GULP1: variants seen among roughly 807,000 people sequenced by gnomAD.
GULP1 encodes the protein PTB domain-containing engulfment adapter protein 1.
In GULP1, 19 loss-of-function variants were observed where a neutral mutation model predicts 40.9. The ratio of observed to expected loss-of-function variants is 0.46; its 90% CI spans 0.32 to 0.68. GULP1 has a LOEUF of 0.68. Among genes scored for constraint, GULP1 ranks in the 30% least tolerant of loss-of-function variants. The pLI is 0.03. For synonymous variants in GULP1, 119 were observed against 117.6 expected (o/e 1.01, Z -0.08); for missense variants, 312 against 362.2 (o/e 0.86, Z 1.12).
intron 2 of GULP1, among the ~76,000 whole-genome samples, chr2:188,389,957 T>C (rs940063703): frequency 1.4e-5 from 2 of 143,306 alleles, no homozygotes; most frequent in Admixed American, 7.0e-5. Context: ...TATTTCATCC[T>C]TTTTTTTTTT....
intron 1 of GULP1, among the ~76,000 whole-genome samples, chr2:188,379,183 C>T (rs1438962284): frequency 2.0e-5 from 3 of 152,106 alleles, no homozygotes; most frequent in African/African-American, 7.2e-5. Flanking sequence ...TTTAACAGCA[C>T]ATGCAATGGA....
intron 1 of GULP1, among the ~76,000 whole-genome samples, chr2:188,310,104 C>A (rs944756098): frequency 1.3e-5 from 2 of 152,152 alleles, no homozygotes; most frequent in Non-Finnish European, 2.9e-5. Context: ...CATTTACTCC[C>A]CAACTCTGCT....
chr2:188,451,133 G>A (rs1157601593), intron 2 of GULP1, among the ~76,000 whole-genome samples: 1 of 152,138 alleles, frequency 6.6e-6, no homozygotes, highest in African/African-American at 2.4e-5. Context: ...GTTTTTAAAT[G>A]CTACTTTTCT....
At chr2:188,444,876 T>A (rs1022359209) in intron 2 of GULP1, among the ~76,000 whole-genome samples, 5 of 152,166 alleles carry the variant, frequency 3.3e-5, no homozygotes, top group Non-Finnish European at 7.3e-5. Context: ...AGTGACATGG[T>A]TTTACCAAAT....
chr2:188,374,915 C>G (rs2048106128), intron 1 of GULP1, among the ~76,000 whole-genome samples: 1 of 152,066 alleles, frequency 6.6e-6, no homozygotes, highest in Admixed American at 6.6e-5. Flanking sequence ...TGTGAAAATG[C>G]TACTGAGCAA....
chr2:188,386,391 A>G (rs1321809640), intron 2 of GULP1, among the ~76,000 whole-genome samples: 1 of 152,168 alleles, frequency 6.6e-6, no homozygotes, highest in Non-Finnish European at 1.5e-5. Flanking sequence ...GGGAATTACA[A>G]TTCAAGGTGA....
At chr2:188,529,601 C>T (rs1687049015) in intron 6 of GULP1, among the ~76,000 whole-genome samples, 1 of 152,062 alleles carries the variant, frequency 6.6e-6, no homozygotes, top group Admixed American at 6.6e-5. Context: ...TTTACGGAGG[C>T]TGAAACAAAA....
intron 1 of GULP1, among the ~76,000 whole-genome samples, chr2:188,338,437 C>T (rs189432478): frequency 2.3e-4 from 35 of 151,842 alleles, no homozygotes; most frequent in African/African-American, 7.7e-4. Flanking sequence ...CCCAAGTAGC[C>T]GGAACTACAA....
At chr2:188,530,045 C>G (rs527861128) in intron 6 of GULP1, among the ~76,000 whole-genome samples, 7 of 152,204 alleles carry the variant, frequency 4.6e-5, no homozygotes. Context: ...TTGGCTATAG[C>G]AAGGCATATA....
rs909234466 is a variant in GULP1, at chr2:188,566,647, T to A, written c.400-2592T>A. Reference sequence around the variant, plus strand: ...CCAGTCTCTATAAAAATAAAAAAAATTAGCTGGGTGTGGTGGTGCGTGCCT... The same window carrying A: ...CCAGTCTCTATAAAAATAAAAAAAAATAGCTGGGTGTGGTGGTGCGTGCCT... On this transcript the variant is annotated intron_variant, in intron 7 of 11. Transcript: ENST00000409830. Among the ~76,000 whole-genome samples, 13 of 151,408 alleles carry A rather than the reference T, an allele frequency of 8.6e-5. 1 individual carries two copies. The highest frequency in any genetic ancestry group is 6.8e-3 in the Middle Eastern group (2 of 294).
At chr2:188,361,451 C>T (rs1228157812) in intron 1 of GULP1, among the ~76,000 whole-genome samples, 2 of 151,742 alleles carry the variant, frequency 1.3e-5, no homozygotes, top group South Asian at 2.1e-4. Flanking sequence ...CAAGGGCCAG[C>T]TTATGTAAGA....
chr2:188,415,738 T>C (rs2054495623), intron 2 of GULP1, among the ~76,000 whole-genome samples: 1 of 152,160 alleles, frequency 6.6e-6, no homozygotes, highest in Non-Finnish European at 1.5e-5. Context: ...AGCACAAGAT[T>C]GTTAAGACCT....
At chr2:188,567,639 G>C (rs1046987682) in intron 7 of GULP1, among the ~76,000 whole-genome samples, 1 of 152,222 alleles carries the variant, frequency 6.6e-6, no homozygotes, top group South Asian at 2.1e-4. Context: ...GACCCATTAG[G>C]GGGTGGGAGG....
intron 1 of GULP1, among the ~76,000 whole-genome samples, chr2:188,368,811 C>T (rs1285776466): frequency 1.3e-5 from 2 of 150,050 alleles, no homozygotes; most frequent in Non-Finnish European, 3.0e-5. Context: ...TTGAAAACTA[C>T]ACTTTTTTCA....
intron 1 of GULP1, among the ~76,000 whole-genome samples, chr2:188,317,379 A>G (rs922654387): frequency 2.0e-5 from 3 of 152,186 alleles, no homozygotes; most frequent in Non-Finnish European, 4.4e-5. Context: ...AGTCGACACA[A>G]TCTAGTCAAC....
chr2:188,413,348 T>C (rs28564315), intron 2 of GULP1, among the ~76,000 whole-genome samples: 32,634 of 152,094 alleles, frequency 0.21, 3,676 homozygotes, highest in African/African-American at 0.27. Flanking sequence ...CTCTCCAGCA[T>C]CTGTTGTTTC....
At chr2:188,368,027 G>C (rs2047032635) in intron 1 of GULP1, among the ~76,000 whole-genome samples, 1 of 151,878 alleles carries the variant, frequency 6.6e-6, no homozygotes, top group African/African-American at 2.4e-5. Flanking sequence ...AAACCTTTCT[G>C]CTTTCTATCC....
chr2:188,476,222 C>T (rs1035470614), intron 2 of GULP1, among the ~76,000 whole-genome samples: 2 of 151,978 alleles, frequency 1.3e-5, no homozygotes, highest in Admixed American at 6.6e-5. Flanking sequence ...TCACATACTT[C>T]GGAATAAAGA....
intron 2 of GULP1, among the ~76,000 whole-genome samples, chr2:188,386,054 G>A (rs1183395625): frequency 6.6e-6 from 1 of 152,076 alleles, no homozygotes; most frequent in Non-Finnish European, 1.5e-5. Flanking sequence ...TCCAACTCCT[G>A]GTACCAATTT....
Sources: allele counts gnomAD v4.1 joint callset (sites outside exome capture counted in the v4.1 genomes callset), GRCh38; gene constraint gnomAD v4.1.1; transcripts MANE v1.5; gene names NCBI Gene and HGNC (gene_info 2026-07-23, HGNC 2026-07-21).